Variants in PRKAG2 observed in about 807,000 individuals in gnomAD.
PRKAG2 encodes 5'-AMP-activated protein kinase subunit gamma-2.
In PRKAG2, 26 loss-of-function variants were observed where a neutral mutation model predicts 69.6. The observed-to-expected ratio is 0.37, with a 90% CI of 0.27 to 0.52. The LOEUF is 0.52. Among genes scored for constraint, PRKAG2 ranks in the 20% least tolerant of loss-of-function variants. The pLI is 0.90. For synonymous variants in PRKAG2, 293 were observed against 285.0 expected, an observed-to-expected ratio of 1.03 and a Z score of -0.28; for missense variants, 557 against 740.0, an observed-to-expected ratio of 0.75 and a Z score of 2.87.
Position 151,679,902 on chromosome 7 carries a change from TA to T in PRKAG2, c.467-4266del, listed in dbSNP as rs111375601. ...CAACATGGCAAGACCCTGTCTCTAT[TA>T]AAAAAAAAAAAATTGGCCAGATATG... On this transcript the variant is annotated intron_variant, in intron 3 of 15. Transcript: ENST00000287878. Among the ~76,000 whole-genome samples, 498 of 146,308 alleles carry T rather than the reference TA, an allele frequency of 3.4e-3. 1 individual carries two copies. Among genetic ancestry groups the T allele is most frequent in the African/African-American group, 6.4e-3 (253 of 39,800 alleles).
At position 151,748,851 on chromosome 7, in the gene PRKAG2, G is replaced by T. The variant is rs569214829; in HGVS notation, c.466+32301C>A. 9.6e-4 allele frequency among the ~76,000 whole-genome samples: 146 copies of T among 152,358 alleles called. 1 individual carries two copies. Among genetic ancestry groups the T allele is most frequent in the African/African-American group, 3.2e-3 (132 of 41,580 alleles). On this transcript the variant is annotated intron_variant, in intron 3 of 15. Transcript: ENST00000287878. ...ATCCGTGCCGTGCCACCTGGCCTTC[G>T]CCCCGCCGCGCCCGCAGCCAGAGAG...
chr7:151,736,215 G>A, intron 3 of PRKAG2: 1 of 1,395,896 alleles, frequency 7.2e-7, no homozygotes, highest in Non-Finnish European at 9.3e-7. Flanking sequence ...AGTCTGTGAG[G>A]CGCCAGGGAG....
rs1402683171 is a variant in PRKAG2, at chr7:151,876,843, C to T, written c.-223G>A. On this transcript the variant is annotated 5_prime_UTR_variant, in exon 1 of 16. Coordinates refer to ENST00000287878, the MANE Select transcript of PRKAG2 (RefSeq NM_016203.4). ...TCCTTTCCTACGGAACCCTCGTAGG[C>T]AAATCAGTCAAAGCCCGTCCCGGTT... 4 of 600,690 alleles carry T rather than the reference C, an allele frequency of 6.7e-6. No individual in the cohort carries two copies. In the Admixed American group the frequency reaches 1.1e-4, roughly 17 times the overall value. 37.2% of individuals were successfully genotyped at this position (600,690 alleles called of 1,614,324 possible).
chr7:151,755,513 G>A (rs1008869622), intron 3 of PRKAG2, among the ~76,000 whole-genome samples: 12 of 152,068 alleles, frequency 7.9e-5, no homozygotes, highest in Admixed American at 2.0e-4. Flanking sequence ...GTGCTGGGGC[G>A]GCGTCAAGGG....
intron 1 of PRKAG2, among the ~76,000 whole-genome samples, chr7:151,866,032 A>AG (rs2080068476): frequency 6.6e-6 from 1 of 151,866 alleles, no homozygotes. Flanking sequence ...AAAAAAAAAA[A>AG]AAAGAAAAAG....
intron 1 of PRKAG2, among the ~76,000 whole-genome samples, chr7:151,861,261 T>C (rs2079914241): frequency 6.6e-6 from 1 of 152,226 alleles, no homozygotes; most frequent in African/African-American, 2.4e-5. Context: ...ACGGGCATGG[T>C]AGCTCATGCC....
intron 3 of PRKAG2, among the ~76,000 whole-genome samples, chr7:151,708,471 G>A (rs775036101): frequency 2.0e-5 from 3 of 152,264 alleles, no homozygotes; most frequent in Non-Finnish European, 2.9e-5. Flanking sequence ...TCTATGCAGC[G>A]TAAAGATGGT....
chr7:151,687,438 T>C (rs917722358), intron 3 of PRKAG2, among the ~76,000 whole-genome samples: 6 of 152,206 alleles, frequency 3.9e-5, no homozygotes, highest in Admixed American at 1.3e-4. Context: ...TTGCTAATAA[T>C]TTGTCAATGA....
At chr7:151,578,712 A>C (rs1364671225) in intron 6 of PRKAG2, among the ~76,000 whole-genome samples, 4 of 152,232 alleles carry the variant, frequency 2.6e-5, no homozygotes, top group Non-Finnish European at 5.9e-5. Context: ...GAGCAACAGT[A>C]ACTGAGCAGC....
chr7:151,786,963 G>C (rs2077041131), intron 1 of PRKAG2, among the ~76,000 whole-genome samples: 1 of 152,196 alleles, frequency 6.6e-6, no homozygotes, highest in South Asian at 2.1e-4. Context: ...GATGGGGAGG[G>C]TGACACTGGG....
intron 3 of PRKAG2, among the ~76,000 whole-genome samples, chr7:151,764,694 C>A (rs1430651849): frequency 1.3e-5 from 2 of 152,258 alleles, no homozygotes; most frequent in Non-Finnish European, 2.9e-5. Context: ...CCCACCCAAC[C>A]ATGCTCCCAG....
At chr7:151,623,149 G>A (rs949375201) in intron 5 of PRKAG2, among the ~76,000 whole-genome samples, 2 of 151,936 alleles carry the variant, frequency 1.3e-5, no homozygotes, top group Admixed American at 6.6e-5. Flanking sequence ...GGCAGATCAC[G>A]AGGTCAGGAG....
chr7:151,829,401 CA>C (rs1194607791), intron 1 of PRKAG2, among the ~76,000 whole-genome samples: 1 of 152,174 alleles, frequency 6.6e-6, no homozygotes, highest in Non-Finnish European at 1.5e-5. Flanking sequence ...TTGCAATCCT[CA>C]TATTGCTGGG....
rs201150309 is a variant in PRKAG2 at position 151,568,856 on chromosome 7, C to A, written c.1107-14G>T. 4 of 1,613,142 alleles carry A rather than the reference C, an allele frequency of 2.5e-6. No individual in the cohort carries two copies. Among genetic ancestry groups the A allele is most frequent in the African/African-American group, 1.3e-5 (1 of 74,998 alleles). On this transcript the variant is annotated splice_polypyrimidine_tract_variant and intron_variant, in intron 10 of 15. Coordinates refer to ENST00000287878, the MANE Select transcript of PRKAG2 (RefSeq NM_016203.4). ...GCATCGAAGAGGCTGTGGGAGAAGTCATTAAAGTTGTTAGGAGGCTTTCGA... is the reference window on the plus strand; with the variant it reads ...GCATCGAAGAGGCTGTGGGAGAAGTAATTAAAGTTGTTAGGAGGCTTTCGA...
intron 1 of PRKAG2, among the ~76,000 whole-genome samples, chr7:151,789,859 C>T (rs185695473): frequency 3.9e-5 from 6 of 152,300 alleles, no homozygotes; most frequent in East Asian, 3.9e-4. Context: ...AGCTCCCAGC[C>T]GGCCCTGCAG....
At chr7:151,645,300 T>C (rs1354210647) in intron 4 of PRKAG2, among the ~76,000 whole-genome samples, 1 of 152,180 alleles carries the variant, frequency 6.6e-6, no homozygotes, top group Non-Finnish European at 1.5e-5. Flanking sequence ...GAGAGGCCCA[T>C]GTCAATGAAC....
At chr7:151,623,900 G>A (rs962315136) in intron 5 of PRKAG2, among the ~76,000 whole-genome samples, 1 of 152,154 alleles carries the variant, frequency 6.6e-6, no homozygotes, top group Non-Finnish European at 1.5e-5. Flanking sequence ...GTCTTACAAT[G>A]CGCATGTGTG....
intron 1 of PRKAG2, among the ~76,000 whole-genome samples, chr7:151,815,582 C>G (rs1028311357): frequency 6.6e-6 from 1 of 152,208 alleles, no homozygotes; most frequent in Non-Finnish European, 1.5e-5. Flanking sequence ...CTTGCTCCCT[C>G]TGCCTCCTGC....
chr7:151,857,071 C>CA (rs1266074137), intron 1 of PRKAG2, among the ~76,000 whole-genome samples: 3 of 118,522 alleles, frequency 2.5e-5, no homozygotes, highest in Non-Finnish European at 3.5e-5. Context: ...AACATTAAAA[C>CA]AAAAAAACAA....
Sources: gnomAD v4.1 joint callset for allele counts (sites outside exome capture counted in the v4.1 genomes callset) on GRCh38, gnomAD v4.1.1 for gene constraint, MANE v1.5 for transcripts, NCBI Gene and HGNC (gene_info 2026-07-23, HGNC 2026-07-21) for gene names.